MOB1B: variants seen among roughly 807,000 people sequenced by gnomAD.
The protein encoded by MOB1B is MOB1 Mps One Binder homolog B.
MOB1B carries 19 observed loss-of-function variants against 24.4 expected under a neutral mutation model. The ratio of observed to expected loss-of-function variants is 0.78; its 90% CI spans 0.54 to 1.14. The LOEUF is 1.14. MOB1B is among the 50% of genes most tolerant of loss of function. MOB1B has a pLI of 0.00. For missense variants in MOB1B, 243 were observed against 259.6 expected (o/e 0.94, Z 0.44); for synonymous variants, 76 against 82.1 (o/e 0.93, Z 0.40).
In MOB1B at chr4:70,902,477, T is replaced by C; in HGVS notation, c.-60T>C. On this transcript the variant is annotated 5_prime_UTR_variant, in exon 1 of 6. Coordinates refer to ENST00000309395, the MANE Select transcript of MOB1B (RefSeq NM_173468.4). The stretch of plus-strand genomic sequence containing the variant: ...TCCATTCGCCTTTCCTCTTCTTTCC[T>C]GGCCCACGCCGCTCCGAGGCCTCGC... 1 of 1,542,120 alleles carries C rather than the reference T, an allele frequency of 6.5e-7. No individual in the cohort carries two copies. Among genetic ancestry groups the C allele is most frequent in the East Asian group, 2.4e-5 (1 of 41,124 alleles).
chr4:70,940,324 T>G (rs970844125), intron 1 of MOB1B, among the ~76,000 whole-genome samples: 3 of 152,116 alleles, frequency 2.0e-5, no homozygotes, highest in Admixed American at 2.0e-4. Context: ...ACCCAGCACT[T>G]TTCTGCCTCC....
intron 1 of MOB1B, among the ~76,000 whole-genome samples, chr4:70,948,008 C>T (rs1420779963): frequency 6.6e-6 from 1 of 152,112 alleles, no homozygotes; most frequent in East Asian, 1.9e-4. Flanking sequence ...AATTCAAGGT[C>T]ACATAGATTT....
chr4:70,936,344 A>G (rs1737083889), intron 1 of MOB1B, among the ~76,000 whole-genome samples: 1 of 152,086 alleles, frequency 6.6e-6, no homozygotes, highest in South Asian at 2.1e-4. Context: ...AACTGCATTT[A>G]AGTGTAATAT....
intron 1 of MOB1B, among the ~76,000 whole-genome samples, chr4:70,909,815 C>A (rs1328096746): frequency 6.6e-6 from 1 of 152,088 alleles, no homozygotes; most frequent in Non-Finnish European, 1.5e-5. Flanking sequence ...CAACTTCCAC[C>A]TCATGGGTTC....
At chr4:70,972,645 T>C (rs960626400) in intron 3 of MOB1B, among the ~76,000 whole-genome samples, 2 of 152,190 alleles carry the variant, frequency 1.3e-5, no homozygotes, top group Non-Finnish European at 2.9e-5. Flanking sequence ...GAGAAAGGCA[T>C]CGCGGCAAAA....
intron 5 of MOB1B, among the ~76,000 whole-genome samples, chr4:70,979,779 A>G (rs1185262491): frequency 6.6e-6 from 1 of 152,202 alleles, no homozygotes; most frequent in Non-Finnish European, 1.5e-5. Flanking sequence ...AGGGAAAAAT[A>G]TGTCACAAAG....
intron 1 of MOB1B, among the ~76,000 whole-genome samples, chr4:70,916,602 A>C (rs143334624): frequency 2.6e-5 from 4 of 151,746 alleles, no homozygotes; most frequent in Admixed American, 2.6e-4. Flanking sequence ...GAGTCTTGCT[A>C]TCTTGCCCAG....
chr4:70,928,587 C>T (rs555723491), intron 1 of MOB1B, among the ~76,000 whole-genome samples: 23 of 152,192 alleles, frequency 1.5e-4, no homozygotes, highest in South Asian at 8.3e-4. Context: ...AGCCACCACA[C>T]GTGGCCTGAC....
intron 1 of MOB1B, among the ~76,000 whole-genome samples, chr4:70,944,081 C>A (rs1165839393): frequency 6.6e-6 from 1 of 151,948 alleles, no homozygotes; most frequent in Non-Finnish European, 1.5e-5. Context: ...CGGAGTCTTG[C>A]TCTGTCACCT....
At chr4:70,917,402 T>C (rs1736236526) in intron 1 of MOB1B, among the ~76,000 whole-genome samples, 1 of 152,240 alleles carries the variant, frequency 6.6e-6, no homozygotes, top group South Asian at 2.1e-4. Flanking sequence ...TTTTAATCTC[T>C]GAACTTGGGG....
chr4:70,941,276 A>G lies in MOB1B; in HGVS notation c.15-17598A>G, dbSNP rs143721501. Among the ~76,000 whole-genome samples the G allele has an allele frequency of 2.1e-3, 320 of 151,742 alleles. 1 individual carries two copies. The highest frequency in any genetic ancestry group is 6.9e-3 in the African/African-American group (284 of 41,376). Reference sequence around the variant, plus strand: ...AGACATGAAATATGTTCTCAGTACTATACTCTAATTTCTGCTTACTTCTTT... The same window carrying G: ...AGACATGAAATATGTTCTCAGTACTGTACTCTAATTTCTGCTTACTTCTTT... On this transcript the variant is annotated intron_variant, in intron 1 of 5. Coordinates refer to ENST00000309395, the MANE Select transcript of MOB1B (RefSeq NM_173468.4).
rs1739302585 is a variant in MOB1B at position 70,984,036 on chromosome 4, TATCA to T, written c.*1983_*1986del. On this transcript the variant is annotated 3_prime_UTR_variant, in exon 6 of 6. Coordinates refer to ENST00000309395, the MANE Select transcript of MOB1B (RefSeq NM_173468.4). ...GTCTTCCATATTGTATTTGACTTCA[TATCA>T]ATCTAGTAAAAAAGGAGTTGCAATA... The T allele has an allele frequency of 1.3e-5, 2 of 152,580 alleles. No individual in the cohort carries two copies. Among genetic ancestry groups the T allele is most frequent in the South Asian group, 4.1e-4 (2 of 4,834 alleles). 9.5% of individuals were successfully genotyped at this position (152,580 alleles called of 1,614,324 possible).
intron 5 of MOB1B, among the ~76,000 whole-genome samples, chr4:70,981,376 A>G (rs1213199348): frequency 6.6e-6 from 1 of 152,236 alleles, no homozygotes; most frequent in Non-Finnish European, 1.5e-5. Context: ...AAATCTATTC[A>G]GAAGTGAACT....
At chr4:70,912,164 T>C (rs1256140347) in intron 1 of MOB1B, among the ~76,000 whole-genome samples, 1 of 152,216 alleles carries the variant, frequency 6.6e-6, no homozygotes, top group Non-Finnish European at 1.5e-5. Context: ...CCCAAAGTGC[T>C]GGGATTACAG....
At chr4:70,950,881 G>A (rs1402860419) in intron 1 of MOB1B, 1 of 871,338 alleles carries the variant, frequency 1.1e-6, no homozygotes. Flanking sequence ...TCAGTAGTAA[G>A]GTAGGTATTA....
chr4:70,938,873 G>C (rs901138512), intron 1 of MOB1B, among the ~76,000 whole-genome samples: 1 of 151,394 alleles, frequency 6.6e-6, no homozygotes. Flanking sequence ...TACCTCCCGG[G>C]TGCAAGCGAT....
At chr4:70,977,691 C>T (rs894427291) in intron 4 of MOB1B, among the ~76,000 whole-genome samples, 1 of 151,870 alleles carries the variant, frequency 6.6e-6, no homozygotes, top group Non-Finnish European at 1.5e-5. Context: ...TACTATTCTT[C>T]TTTTAAATTT....
intron 2 of MOB1B, among the ~76,000 whole-genome samples, chr4:70,966,191 A>G (rs1738524747): frequency 6.6e-6 from 1 of 152,096 alleles, no homozygotes; most frequent in Non-Finnish European, 1.5e-5. Flanking sequence ...TAACATTTTA[A>G]AAGTGTATAT....
intron 4 of MOB1B, chr4:70,976,647 A>G: frequency 1.0e-6 from 1 of 974,354 alleles, no homozygotes; most frequent in Non-Finnish European, 1.2e-6. Context: ...AAAATGTGAC[A>G]ACAATATAAA....
Sources: gnomAD v4.1 joint callset for allele counts (sites outside exome capture counted in the v4.1 genomes callset) on GRCh38, gnomAD v4.1.1 for gene constraint, MANE v1.5 for transcripts, NCBI Gene and HGNC (gene_info 2026-07-23, HGNC 2026-07-21) for gene names.